The following ST3GAL1 variants were observed in gnomAD, a reference collection of about 807,000 sequenced individuals.
The protein encoded by ST3GAL1 is ST3 beta-galactoside alpha-2,3-sialyltransferase 1, also known as CMP-N-acetylneuraminate-beta-galactosamide-alpha-2,3-sialyltransferase 1.
ST3GAL1 carries 16 observed loss-of-function variants against 34.1 expected under a neutral mutation model. The observed-to-expected ratio is 0.47, with a 90% CI of 0.32 to 0.71. The LOEUF (loss-of-function observed/expected upper bound fraction) is 0.71, where lower values mean the gene tolerates loss of function less well. Among genes scored for constraint, ST3GAL1 ranks in the 30% least tolerant of loss-of-function variants. The pLI is 0.04. For synonymous variants in ST3GAL1, 191 were observed against 184.7 expected (o/e 1.03, Z -0.28); for missense variants, 353 against 447.4 (o/e 0.79, Z 1.90).
intron 1 of ST3GAL1, among the ~76,000 whole-genome samples, chr8:133,564,519 T>TACACACACACACAC (rs60855292): frequency 0.099 from 14,474 of 145,634 alleles, 851 homozygotes; most frequent in East Asian, 0.26. Context: ...AAAGAGAAAA[T>TACACACACACACAC]ACACACACAC....
At position 133,475,934 on chromosome 8, in the gene ST3GAL1, T is replaced by G. The variant is rs1332309764; in HGVS notation, c.91A>C (p.Thr31Pro). Residue 31 changes from threonine (T) to proline (P), a missense_variant, in exon 5 of 10, where the codon ACC (threonine) becomes CCC (proline). Thr to Pro is a conservative substitution (Grantham distance 38). Transcript: ENST00000522652. ...GGGAACCAGGTGGTGGCCACCATGG[T>G]GTGGGAGTAGTTCAGGAAGAAGGAG... ...LTSFFLNYSH[T>P]MVATTWFPKQ... 2 of 1,613,868 alleles carry G rather than the reference T, an allele frequency of 1.2e-6. No homozygotes were observed. Among genetic ancestry groups the G allele is most frequent in the Non-Finnish European group, 1.7e-6 (2 of 1,180,010 alleles).
chr8:133,532,264 G>C (rs1444990767), intron 2 of ST3GAL1, among the ~76,000 whole-genome samples: 1 of 152,136 alleles, frequency 6.6e-6, no homozygotes, highest in Non-Finnish European at 1.5e-5. Context: ...CTGAGGTCAG[G>C]AGTTCGAGAC....
Position 133,465,841 on chromosome 8 carries a change from C to T in ST3GAL1, c.503+53G>A, listed in dbSNP as rs551045748. 1.5e-4 allele frequency: 238 copies of T among 1,569,546 alleles called. 1 individual carries two copies. Among genetic ancestry groups the T allele is most frequent in the Admixed American group, 1.2e-3 (65 of 56,118 alleles). ...TGAGCCAAGATGCTTCCTACAGCTCCAAGGGGCCCCTGGGTGCAGCACGGT... is the reference window on the plus strand; with the variant it reads ...TGAGCCAAGATGCTTCCTACAGCTCTAAGGGGCCCCTGGGTGCAGCACGGT... On this transcript the variant is annotated intron_variant, in intron 6 of 9. Coordinates refer to ENST00000522652, the MANE Select transcript of ST3GAL1 (RefSeq NM_173344.3).
At chr8:133,487,374 A>T (rs1454011704) in intron 3 of ST3GAL1, among the ~76,000 whole-genome samples, 1 of 152,142 alleles carries the variant, frequency 6.6e-6, no homozygotes, top group African/African-American at 2.4e-5. Flanking sequence ...ACATTAGGAA[A>T]ATGTCACCTA....
intron 1 of ST3GAL1, among the ~76,000 whole-genome samples, chr8:133,569,813 G>A (rs1006341414): frequency 6.6e-6 from 1 of 152,234 alleles, no homozygotes; most frequent in African/African-American, 2.4e-5. Context: ...CCTTTTCGAA[G>A]CCTCTGGGCG....
At chr8:133,462,923 G>A (rs1339300233) in intron 8 of ST3GAL1, among the ~76,000 whole-genome samples, 2 of 152,248 alleles carry the variant, frequency 1.3e-5, no homozygotes, top group East Asian at 3.8e-4. Context: ...AAGTTTGATA[G>A]AGTATGCAAA....
In ST3GAL1 at chr8:133,469,377, C is replaced by T. The variant is rs1346564888; in HGVS notation, c.307-3287G>A. Among the ~76,000 whole-genome samples the T allele has an allele frequency of 6.6e-6, 1 of 152,020 alleles. No homozygotes were observed. Among genetic ancestry groups the T allele is most frequent in the Non-Finnish European group, 1.5e-5 (1 of 68,004 alleles). On this transcript the variant is annotated intron_variant, in intron 5 of 9. Coordinates refer to ENST00000522652, the MANE Select transcript of ST3GAL1 (RefSeq NM_173344.3). This position sits in a 1 kb window ranked among gnomAD's most constrained non-coding sequence, Gnocchi z 4.3. ...GGGATTACAGGTGTGCACCACTGTG[C>T]CTGGCTAATTTTTGTATTTTTAGTA...
chr8:133,463,281 G>T, intron 8 of ST3GAL1, 133 bp downstream of exon 8: 2 of 977,536 alleles, frequency 2.0e-6, no homozygotes, highest in Non-Finnish European at 3.2e-6. Context: ...CAGGGGGATA[G>T]CTAAGTGGGA....
chr8:133,513,772 G>A (rs998215096), intron 2 of ST3GAL1, among the ~76,000 whole-genome samples: 3 of 151,950 alleles, frequency 2.0e-5, no homozygotes, highest in East Asian at 1.9e-4. Context: ...GGTGACTTGC[G>A]CCTATAATCC....
intron 1 of ST3GAL1, among the ~76,000 whole-genome samples, chr8:133,568,253 C>T (rs1819465203): frequency 6.6e-6 from 1 of 152,138 alleles, no homozygotes; most frequent in Non-Finnish European, 1.5e-5. Flanking sequence ...AACTGAGACC[C>T]AGAGCCTGGA....
At chr8:133,500,206 G>T (rs974150967) in intron 2 of ST3GAL1, among the ~76,000 whole-genome samples, 4 of 152,008 alleles carry the variant, frequency 2.6e-5, no homozygotes, top group African/African-American at 9.7e-5. Context: ...GGGATAAAAA[G>T]AACTTTCTGA....
intron 3 of ST3GAL1, among the ~76,000 whole-genome samples, chr8:133,494,075 G>A (rs570745644): frequency 7.9e-5 from 12 of 152,172 alleles, no homozygotes; most frequent in Admixed American, 5.2e-4. Flanking sequence ...TGAAGAAAAG[G>A]GATAATCAAA....
At position 133,556,415 on chromosome 8, in the gene ST3GAL1, A is replaced by G. The variant is rs147330463; in HGVS notation, c.-581-10489T>C. 2.0e-3 allele frequency among the ~76,000 whole-genome samples: 303 copies of G among 152,146 alleles called. 1 individual carries two copies. Among genetic ancestry groups the G allele is most frequent in the African/African-American group, 6.8e-3 (282 of 41,510 alleles). On this transcript the variant is annotated intron_variant, in intron 1 of 9. Coordinates refer to ENST00000522652, the MANE Select transcript of ST3GAL1 (RefSeq NM_173344.3). This position sits in a 1 kb window ranked among gnomAD's most constrained non-coding sequence, Gnocchi z 8.9. ...TTGGCCTTGCTCTTGGATGGACTGA[A>G]TTTGCTTTCAGAGGAGTGAGATGCT...
At chr8:133,464,993 A>T (rs371364499) in intron 6 of ST3GAL1, 36 bp from the exon 7 acceptor site, 35 of 1,585,146 alleles carry the variant, frequency 2.2e-5, no homozygotes, top group Non-Finnish European at 2.8e-5. Context: ...GTCTTGTAGC[A>T]CGGGCACCCG....
chr8:133,525,828 G>C (rs1275309464), intron 2 of ST3GAL1, among the ~76,000 whole-genome samples: 1 of 152,208 alleles, frequency 6.6e-6, no homozygotes, highest in Non-Finnish European at 1.5e-5. Context: ...ACTGGGAGTG[G>C]TGAGATGCCA....
At chr8:133,511,912 G>C (rs1269322265) in intron 2 of ST3GAL1, among the ~76,000 whole-genome samples, 1 of 152,116 alleles carries the variant, frequency 6.6e-6, no homozygotes. Context: ...AATTAGCTGG[G>C]CATGGTGGCA....
chr8:133,534,522 A>G (rs1275422089), intron 2 of ST3GAL1, among the ~76,000 whole-genome samples: 4 of 152,066 alleles, frequency 2.6e-5, no homozygotes, highest in Admixed American at 1.3e-4. Context: ...GTGTTTGCCT[A>G]AGTTAATTGG....
intron 2 of ST3GAL1, among the ~76,000 whole-genome samples, chr8:133,541,016 TGC>T (rs370960661): frequency 0.014 from 433 of 30,618 alleles, 7 homozygotes; most frequent in African/African-American, 0.028. Context: ...GACATATATA[TGC>T]AGACATATAT....
At chr8:133,544,055 G>C (rs1818608178) in intron 2 of ST3GAL1, 1 of 152,226 alleles carries the variant, frequency 6.6e-6, no homozygotes, top group Non-Finnish European at 1.5e-5. Flanking sequence ...ATATCAATTG[G>C]ATCTTTTCTC....
Sources: allele counts gnomAD v4.1 joint callset (sites outside exome capture counted in the v4.1 genomes callset), GRCh38; gene constraint gnomAD v4.1.1; non-coding constraint Gnocchi (gnomAD v3.1); transcripts MANE v1.5; gene names NCBI Gene and HGNC (gene_info 2026-07-23, HGNC 2026-07-21).